Variants in LRP5 observed in about 807,000 individuals in gnomAD.
The protein encoded by LRP5 is low-density lipoprotein receptor-related protein 5.
LRP5 carries 62 observed loss-of-function variants against 154.1 expected under a neutral mutation model. That is an observed-to-expected ratio of 0.40 (90% CI 0.33 to 0.50). The LOEUF is 0.50. Among genes scored for constraint, LRP5 ranks in the 20% least tolerant of loss-of-function variants. The pLI, the probability that LRP5 is intolerant of heterozygous loss-of-function variation, is 0.55. For missense variants in LRP5, 1,915 were observed against 2,336.7 expected, an observed-to-expected ratio of 0.82 and a Z score of 3.72; for synonymous variants, 966 against 1,011.5, an observed-to-expected ratio of 0.96 and a Z score of 0.85.
chr11:68,316,334 C>T (rs187784198), intron 1 of LRP5, among the ~76,000 whole-genome samples: 71 of 151,996 alleles, frequency 4.7e-4, no homozygotes, highest in African/African-American at 1.5e-3. Context: ...TGCGGTGGTG[C>T]GATCTTGGCT....
chr11:68,438,429 C>G lies in LRP5; in HGVS notation c.4112-17C>G. Reference sequence around the variant, plus strand: ...TGGGGTTAATGTTGGCCACCTCTTTCTGTTTGTCTCTGGCAGAAATCACCA... The same window carrying G: ...TGGGGTTAATGTTGGCCACCTCTTTGTGTTTGTCTCTGGCAGAAATCACCA... On this transcript the variant is annotated splice_polypyrimidine_tract_variant and intron_variant, in intron 19 of 22. Transcript: ENST00000294304. 6.2e-7 allele frequency: 1 copy of G among 1,611,586 alleles called. No individual in the cohort carries two copies. Among genetic ancestry groups the G allele is most frequent in the South Asian group, 1.1e-5 (1 of 91,046 alleles).
At chr11:68,377,149 G>C (rs1304143426) in intron 5 of LRP5, among the ~76,000 whole-genome samples, 1 of 152,188 alleles carries the variant, frequency 6.6e-6, no homozygotes, top group Non-Finnish European at 1.5e-5. Flanking sequence ...GCCTGAGGTT[G>C]TGGTGGGGCA....
At position 68,386,680 on chromosome 11, in the gene LRP5, G is replaced by A. The variant is rs2098643257; in HGVS notation, c.1380G>A (p.Glu460=). 1 of 1,613,266 alleles carries A rather than the reference G, an allele frequency of 6.2e-7. No individual in the cohort carries two copies. The highest frequency in any genetic ancestry group is 1.3e-5 in the African/African-American group (1 of 74,946). ...TCCTGGTGTCGGAGGACCTGGACGA[G>A]CCCCGAGCCATCGCACTGCACCCCG... The part of the protein sequence containing the change: ...RKILVSEDLD[E]PRAIALHPVM... Residue 460 remains glutamate, a synonymous_variant, in exon 6 of 23, where the codon GAG becomes GAA. Coordinates refer to ENST00000294304, the MANE Select transcript of LRP5 (RefSeq NM_002335.4). This position sits in a 1 kb window ranked among gnomAD's most constrained non-coding sequence, Gnocchi z 7.9.
At chr11:68,372,251 C>T (rs967096828) in intron 5 of LRP5, among the ~76,000 whole-genome samples, 23 of 147,258 alleles carry the variant, frequency 1.6e-4, no homozygotes, top group South Asian at 2.2e-4. Flanking sequence ...CAGGCAGACC[C>T]GGGACCGTGG....
chr11:68,435,850 C>T (rs112171381), intron 18 of LRP5, among the ~76,000 whole-genome samples: 14,928 of 152,156 alleles, frequency 0.098, 862 homozygotes, highest in Middle Eastern at 0.15. Flanking sequence ...ATCAGCCTCC[C>T]GAGTAGCTGG....
chr11:68,392,432 A>G (rs1247673912), intron 7 of LRP5, among the ~76,000 whole-genome samples: 1 of 152,106 alleles, frequency 6.6e-6, no homozygotes, highest in African/African-American at 2.4e-5. Context: ...TGAGCCCGGG[A>G]GGTGGAGGTT....
At chr11:68,446,134 C>A (rs575132089) in intron 21 of LRP5, among the ~76,000 whole-genome samples, 7 of 152,198 alleles carry the variant, frequency 4.6e-5, no homozygotes, top group Non-Finnish European at 8.8e-5. Context: ...GGGAACTGGC[C>A]GAAGTCCTGT....
At chr11:68,320,829 T>G (rs1190063982) in intron 1 of LRP5, among the ~76,000 whole-genome samples, 1 of 152,176 alleles carries the variant, frequency 6.6e-6, no homozygotes, top group African/African-American at 2.4e-5. Context: ...TTTGTTCTGT[T>G]TGTTTCAGGT....
chr11:68,433,819 A>C lies in LRP5; in HGVS notation c.3981A>C (p.Ser1327=). ...CDGEADCQDR[S]DEADCDAICL... is the part of the protein sequence containing the mutation. Reference sequence around the variant, plus strand: ...GCGAGGCAGACTGTCAGGACCGCTCAGACGAGGCGGACTGTGACGGTGAGG... The same window carrying C: ...GCGAGGCAGACTGTCAGGACCGCTCCGACGAGGCGGACTGTGACGGTGAGG... The change falls in exon 18 of 23, where the codon TCA becomes TCC. Residue 1327 remains serine (S), a synonymous_variant. Transcript: ENST00000294304. The C allele has an allele frequency of 6.2e-7, 1 of 1,612,554 alleles. No individual in the cohort carries two copies. Among genetic ancestry groups the C allele is most frequent in the Non-Finnish European group, 8.5e-7 (1 of 1,179,726 alleles).
At chr11:68,319,768 G>A (rs887548875) in intron 1 of LRP5, among the ~76,000 whole-genome samples, 1 of 152,140 alleles carries the variant, frequency 6.6e-6, no homozygotes, top group African/African-American at 2.4e-5. Flanking sequence ...AGCCTTCATT[G>A]CTATTACAAA....
chr11:68,397,640 CCATCACCGTCGTCAT>C (rs1183116327), intron 7 of LRP5, among the ~76,000 whole-genome samples: 2 of 97,490 alleles, frequency 2.1e-5, no homozygotes, highest in Non-Finnish European at 5.2e-5. Flanking sequence ...GCCCGAGTTC[CCATCACCGTCGTCAT>C]CATCACCATC....
chr11:68,369,414 T>C (rs1324819357), intron 5 of LRP5, among the ~76,000 whole-genome samples: 2 of 152,090 alleles, frequency 1.3e-5, no homozygotes, highest in African/African-American at 4.8e-5. Flanking sequence ...GAAGCAGGTG[T>C]CACCATCTCT....
At chr11:68,319,567 C>G (rs1453044559) in intron 1 of LRP5, among the ~76,000 whole-genome samples, 1 of 152,032 alleles carries the variant, frequency 6.6e-6, no homozygotes, top group African/African-American at 2.4e-5. Context: ...TTGCCCAGCT[C>G]CTGGCCTCCA....
At chr11:68,390,191 C>T (rs561873857) in intron 7 of LRP5, 139 bp downstream of exon 7, 2 of 1,089,838 alleles carry the variant, frequency 1.8e-6, no homozygotes. Flanking sequence ...AAAATAGTTA[C>T]AATACTTTCT....
chr11:68,312,871 C>A, intron 1 of LRP5, 66 bp downstream of exon 1: 1 of 899,314 alleles, frequency 1.1e-6, no homozygotes, highest in Non-Finnish European at 1.3e-6. Flanking sequence ...GGCCCCGCGG[C>A]CAAGTGCGCG....
chr11:68,379,232 C>T (rs2098639045), intron 5 of LRP5, among the ~76,000 whole-genome samples: 2 of 152,046 alleles, frequency 1.3e-5, no homozygotes. Flanking sequence ...CCTTGAATGC[C>T]CTCGTTTAGG....
intron 20 of LRP5, 95 bp from the exon 21 acceptor site, chr11:68,439,682 G>C: frequency 7.5e-7 from 1 of 1,328,892 alleles, no homozygotes; most frequent in Non-Finnish European, 1.1e-6. Flanking sequence ...TCTGAGTCTC[G>C]TGGGTAGTGG....
At chr11:68,412,416 A>C (rs753956248) in intron 11 of LRP5, among the ~76,000 whole-genome samples, 1 of 152,254 alleles carries the variant, frequency 6.6e-6, no homozygotes, top group South Asian at 2.1e-4. Context: ...CAAGGCGGGC[A>C]GATGATTTGA....
At chr11:68,397,057 G>C in intron 7 of LRP5, among the ~76,000 whole-genome samples, 1 of 152,146 alleles carries the variant, frequency 6.6e-6, no homozygotes, top group Non-Finnish European at 1.5e-5. Flanking sequence ...CTCTTCCTGA[G>C]TCTAGAGCCC....
Sources: allele counts gnomAD v4.1 joint callset (sites outside exome capture counted in the v4.1 genomes callset), GRCh38; gene constraint gnomAD v4.1.1; non-coding constraint Gnocchi (gnomAD v3.1); transcripts MANE v1.5; gene names NCBI Gene and HGNC (gene_info 2026-07-23, HGNC 2026-07-21).